Variants in DPP10 observed in about 807,000 individuals in gnomAD.
The protein encoded by DPP10 is inactive dipeptidyl peptidase 10.
In DPP10, 33 loss-of-function variants were observed where a neutral mutation model predicts 120.9. That is an observed-to-expected ratio of 0.27 (90% CI 0.21 to 0.37). The LOEUF (loss-of-function observed/expected upper bound fraction) is 0.37, where lower values mean the gene tolerates loss of function less well. DPP10 is among the 10% of genes least tolerant of loss of function. The pLI is 1.00. For missense variants in DPP10, 816 were observed against 942.8 expected, an observed-to-expected ratio of 0.87 and a Z score of 1.76; for synonymous variants, 337 against 326.1, an observed-to-expected ratio of 1.03 and a Z score of -0.36.
chr2:114,961,312 T>C (rs13016150), intron 1 of DPP10, among the ~76,000 whole-genome samples: 38,980 of 151,688 alleles, frequency 0.26, 5,066 homozygotes, highest in East Asian at 0.35. Flanking sequence ...CCTCGGCCTC[T>C]CAAAGTGCTG....
rs143670729 is a variant in DPP10 at position 115,309,319 on chromosome 2, A to G, written c.141A>G (p.Ser47=). 1.4e-5 allele frequency: 22 copies of G among 1,613,310 alleles called. No individual in the cohort carries two copies. In the African/African-American group the frequency reaches 2.1e-4, roughly 16 times the overall value. Residue 47 remains serine (S), a synonymous_variant, in exon 2 of 26, where the codon TCA becomes TCG. Coordinates refer to ENST00000410059, the MANE Select transcript of DPP10 (RefSeq NM_020868.6). ...TGCTGGTGATTTTAGTTGTATGCTC[A>G]CTCATCACTATGTCAGTCATCCTCT... The part of the protein sequence containing the change: ...IALLVILVVC[S]LITMSVILLT...
intron 1 of DPP10, among the ~76,000 whole-genome samples, chr2:114,834,677 A>G (rs75281882): frequency 0.047 from 5,588 of 118,078 alleles, 1,246 homozygotes; most frequent in Middle Eastern, 0.1. Context: ...CCATATCTAC[A>G]CACCTATGTA....
chr2:114,774,637 T>C (rs935821938), intron 1 of DPP10, among the ~76,000 whole-genome samples: 44 of 149,638 alleles, frequency 2.9e-4, no homozygotes, highest in African/African-American at 1.1e-3. Flanking sequence ...CAGAGATGAC[T>C]ATATTTGCCA....
intron 2 of DPP10, among the ~76,000 whole-genome samples, chr2:115,321,072 G>A (rs2062033076): frequency 6.6e-6 from 1 of 152,120 alleles, no homozygotes; most frequent in Non-Finnish European, 1.5e-5. Flanking sequence ...GGCTGAGGTG[G>A]GAGGATCACC....
At chr2:115,013,479 T>C (rs1248601797) in intron 1 of DPP10, among the ~76,000 whole-genome samples, 1 of 152,056 alleles carries the variant, frequency 6.6e-6, no homozygotes, top group Non-Finnish European at 1.5e-5. Flanking sequence ...GTCTTGGGGT[T>C]ACTCTTCTCA....
chr2:115,546,590 T>C (rs938970298), intron 5 of DPP10, among the ~76,000 whole-genome samples: 5 of 152,128 alleles, frequency 3.3e-5, no homozygotes, highest in Non-Finnish European at 5.9e-5. Flanking sequence ...TGGAATGAGT[T>C]AGATAATCAT....
rs1032608297 is a variant in DPP10 at position 115,458,770 on chromosome 2, G to A, written c.272-40740G>A. On this transcript the variant is annotated intron_variant, in intron 3 of 25. Coordinates refer to ENST00000410059, the MANE Select transcript of DPP10 (RefSeq NM_020868.6). ...ATGACTTTTTAAAAATAAAACAGGT[G>A]CATTTGTACTTTGAATGTACAGTGT... is the stretch of plus-strand genomic sequence containing the variant. Among the ~76,000 whole-genome samples the A allele has an allele frequency of 4.6e-5, 7 of 152,042 alleles. No homozygotes were observed. The South Asian group carries it at 1.5e-3, about 32-fold the overall frequency.
At chr2:114,463,793 T>C (rs1289677850) in intron 1 of DPP10, among the ~76,000 whole-genome samples, 3 of 152,230 alleles carry the variant, frequency 2.0e-5, no homozygotes, top group African/African-American at 2.4e-5. Flanking sequence ...GTGCTTCACC[T>C]AGTCAACTGT....
chr2:114,610,991 ACAG>A (rs1426238451), intron 1 of DPP10, among the ~76,000 whole-genome samples: 3 of 152,148 alleles, frequency 2.0e-5, no homozygotes, highest in African/African-American at 7.2e-5. Context: ...ATCATCAGGT[ACAG>A]CTTCCCAAAC....
At chr2:114,874,680 A>C (rs1163723769) in intron 1 of DPP10, among the ~76,000 whole-genome samples, 1 of 152,096 alleles carries the variant, frequency 6.6e-6, no homozygotes, top group Admixed American at 6.6e-5. Flanking sequence ...GAATCATCCC[A>C]AAACCATCTC....
intron 2 of DPP10, among the ~76,000 whole-genome samples, chr2:115,330,742 T>C (rs1278153586): frequency 6.6e-6 from 1 of 152,154 alleles, no homozygotes; most frequent in East Asian, 1.9e-4. Context: ...ATCAGATAGT[T>C]GTAGATGTGT....
rs371374714 is a variant in DPP10, at chr2:114,779,898, A to T, written c.60+337060A>T. On this transcript the variant is annotated intron_variant, in intron 1 of 25. Transcript: ENST00000410059. ...ACGCCTGTCATCCCAGCACTTTGGG[A>T]GGCCAAGGCGGGCGGATCACGAGGT... Among the ~76,000 whole-genome samples, 8 of 152,274 alleles carry T rather than the reference A, an allele frequency of 5.3e-5. No homozygotes were observed. The East Asian group carries it at 1.5e-3, about 29-fold the overall frequency.
At chr2:114,990,602 T>TTAATAAAA (rs1180112830) in intron 1 of DPP10, among the ~76,000 whole-genome samples, 2 of 152,198 alleles carry the variant, frequency 1.3e-5, no homozygotes, top group East Asian at 3.8e-4. Context: ...ACAGTTAATG[T>TTAATAAAA]GATAACCTTT....
chr2:115,186,688 A>G (rs1389150329), intron 1 of DPP10, among the ~76,000 whole-genome samples: 1 of 152,204 alleles, frequency 6.6e-6, no homozygotes, highest in Non-Finnish European at 1.5e-5. Context: ...TAAGCAATTT[A>G]TGTGACTATC....
At chr2:114,841,771 G>A (rs1441390871) in intron 1 of DPP10, among the ~76,000 whole-genome samples, 1 of 152,086 alleles carries the variant, frequency 6.6e-6, no homozygotes, top group East Asian at 1.9e-4. Context: ...AGCCATGATT[G>A]GGAGCTATAC....
intron 5 of DPP10, among the ~76,000 whole-genome samples, chr2:115,599,905 C>G (rs1226639685): frequency 6.6e-6 from 1 of 152,072 alleles, no homozygotes; most frequent in African/African-American, 2.4e-5. Flanking sequence ...GCCCACCATC[C>G]TCCATTCACC....
intron 9 of DPP10, among the ~76,000 whole-genome samples, chr2:115,740,729 T>C (rs1677154451): frequency 1.3e-5 from 2 of 152,152 alleles, no homozygotes; most frequent in South Asian, 4.1e-4. Flanking sequence ...CTGTATGCCA[T>C]CTTTAATTGC....
At chr2:114,942,117 C>T (rs1162910705) in intron 1 of DPP10, among the ~76,000 whole-genome samples, 1 of 150,540 alleles carries the variant, frequency 6.6e-6, no homozygotes, top group African/African-American at 2.4e-5. Context: ...ACTAAAAATA[C>T]AAAAAATTAG....
intron 5 of DPP10, among the ~76,000 whole-genome samples, chr2:115,602,964 A>ATT (rs1447436060): frequency 6.6e-6 from 1 of 152,208 alleles, no homozygotes; most frequent in East Asian, 1.9e-4. Context: ...ACTGAAAATT[A>ATT]TTAAGGTTCT....
Sources: allele counts gnomAD v4.1 joint callset (sites outside exome capture counted in the v4.1 genomes callset), GRCh38; gene constraint gnomAD v4.1.1; transcripts MANE v1.5; gene names NCBI Gene and HGNC (gene_info 2026-07-23, HGNC 2026-07-21).